Variants in MGA observed in about 807,000 individuals in gnomAD.
MGA encodes the protein MAX dimerization protein MGA.
In MGA, 40 loss-of-function variants were observed where a neutral mutation model predicts 261.1. The observed-to-expected ratio is 0.15, with a 90% confidence interval of 0.12 to 0.20. The LOEUF (loss-of-function observed/expected upper bound fraction) is 0.20. Among genes scored for constraint, MGA ranks in the 10% least tolerant of loss-of-function variants. The probability of loss-of-function intolerance (pLI) is 1.00; values close to 1 mark genes in which losing one functional copy is unlikely to be tolerated. For missense variants in MGA, 3,397 were observed against 3,630.5 expected (o/e 0.94, Z 1.65); for synonymous variants, 1,302 against 1,290.6 (o/e 1.01, Z -0.19).
At chr15:41,714,245 T>C (rs1164814434) in intron 9 of MGA, among the ~76,000 whole-genome samples, 3 of 152,250 alleles carry the variant, frequency 2.0e-5, no homozygotes, top group Non-Finnish European at 4.4e-5. Flanking sequence ...TGTTCCATCA[T>C]AACGTCATGT....
chr15:41,710,787 G>C lies in MGA; in HGVS notation c.2522G>C (p.Ser841Thr), dbSNP rs566861249. ...AATGAAGGCAAGCTGATGGAAACAA[G>C]CATGGGTTTTTCTTCTAATGCTCCC... The change falls in exon 8 of 24, where the codon AGC becomes ACC. Residue 841 changes from serine (S) to threonine (T), a missense_variant. This residue lies in a region of MGA where 519 missense variants were observed against 554.1 expected (regional missense o/e 0.94). Coordinates refer to ENST00000219905, the MANE Select transcript of MGA (RefSeq NM_001164273.2). 6.2e-7 allele frequency: 1 copy of C among 1,613,920 alleles called. No homozygotes were observed. Among genetic ancestry groups the C allele is most frequent in the Admixed American group, 1.7e-5 (1 of 60,008 alleles).
chr15:41,710,919 C>A lies in MGA; in HGVS notation c.2654C>A (p.Ser885Tyr). ...ACTATTTCCCCTTCTACCTCTTATT[C>A]TTTGAAACCTCATTCTGTACCCCCT... The change falls in exon 8 of 24, where the codon TCT becomes TAT. Residue 885 changes from serine to tyrosine, a missense_variant. Coordinates refer to ENST00000219905, the MANE Select transcript of MGA (RefSeq NM_001164273.2). The A allele has an allele frequency of 6.2e-7, 1 of 1,613,964 alleles. No homozygotes were observed. The highest frequency in any genetic ancestry group is 8.5e-7 in the Non-Finnish European group (1 of 1,179,880).
rs1171333484 is a variant in MGA, at chr15:41,727,182, A to T, written c.3433A>T (p.Ile1145Leu). 1.2e-6 allele frequency: 2 copies of T among 1,611,618 alleles called. No individual in the cohort carries two copies. Among genetic ancestry groups the T allele is most frequent in the Admixed American group, 1.7e-5 (1 of 59,494 alleles). The change falls in exon 10 of 24, where the codon ATA (isoleucine) becomes TTA (leucine). Residue 1145 changes from isoleucine to leucine, a missense_variant and splice_region_variant. By Grantham distance (5) the Ile-to-Leu change is conservative (BLOSUM62 2). Around this residue, in one of 9 missense-constraint regions of MGA, gnomAD observed 519 missense variants for 554.1 expected, o/e 0.94. Transcript: ENST00000219905. ...CCTTACCCTTCTTTTTTGTTAAGCT[A>T]TATGTGAGACAGAGCCTGAACAGCC...
intron 1 of MGA, among the ~76,000 whole-genome samples, chr15:41,662,482 C>T (rs1036307007): frequency 2.0e-5 from 3 of 152,056 alleles, no homozygotes; most frequent in Admixed American, 6.6e-5. Context: ...TGACATTTGC[C>T]CTATAAGGTT....
chr15:41,763,612 T>G (rs1197768), intron 22 of MGA, among the ~76,000 whole-genome samples: 120,737 of 151,610 alleles, frequency 0.8, 48,525 homozygotes, highest in East Asian at 0.89. Flanking sequence ...GTGTGGTGGC[T>G]CATGCCTGTA....
chr15:41,685,200 G>A (rs2058890234), intron 2 of MGA, among the ~76,000 whole-genome samples: 1 of 152,144 alleles, frequency 6.6e-6, no homozygotes, highest in Non-Finnish European at 1.5e-5. Flanking sequence ...AGGTGCTCTA[G>A]CATCACTTAT....
At chr15:41,693,355 G>A (rs1396317002) in intron 2 of MGA, among the ~76,000 whole-genome samples, 1 of 126,502 alleles carries the variant, frequency 7.9e-6, no homozygotes, top group Admixed American at 1.1e-4. Context: ...TCCCCTTTCT[G>A]TGTCCATGCG....
At position 41,685,911 on chromosome 15, in the gene MGA, AG is replaced by A. The variant is rs2058929136; in HGVS notation, c.1065-10162del. 2.0e-5 allele frequency among the ~76,000 whole-genome samples: 3 copies of A among 151,888 alleles called. No homozygotes were observed. In the East Asian group the frequency reaches 5.8e-4, roughly 30 times the overall value. On this transcript the variant is annotated intron_variant, in intron 2 of 23. Transcript: ENST00000219905. ...TCCCAGCTACTCAGGAGGCTGAGGC[AG>A]GAGAATGGCGTGTACCCGGGAGGCG...
At chr15:41,673,540 C>CTTTTTTTT (rs777334913) in intron 2 of MGA, among the ~76,000 whole-genome samples, 2 of 118,936 alleles carry the variant, frequency 1.7e-5, no homozygotes, top group African/African-American at 6.2e-5. Context: ...TTCTTTCTTT[C>CTTTTTTTT]TTTTTTTTTT....
intron 13 of MGA, 54 bp downstream of exon 13, chr15:41,736,752 T>C: frequency 1.4e-6 from 2 of 1,464,844 alleles, no homozygotes; most frequent in Non-Finnish European, 1.8e-6. Context: ...CTAGGTAGTA[T>C]CATGATTTTT....
intron 7 of MGA, among the ~76,000 whole-genome samples, chr15:41,709,843 A>G (rs183069944): frequency 3.6e-5 from 4 of 112,212 alleles, no homozygotes; most frequent in African/African-American, 1.0e-4. Context: ...TTTTTTTGAG[A>G]TGGAGTTTTG....
chr15:41,716,836 A>G (rs1030773363), intron 9 of MGA, among the ~76,000 whole-genome samples: 1 of 152,182 alleles, frequency 6.6e-6, no homozygotes, highest in African/African-American at 2.4e-5. Context: ...TAGTTAATAT[A>G]TAAAAAATTA....
intron 1 of MGA, among the ~76,000 whole-genome samples, chr15:41,633,793 G>C (rs1199469542): frequency 6.6e-6 from 1 of 152,132 alleles, no homozygotes; most frequent in Non-Finnish European, 1.5e-5. Context: ...TTAAAGTCCA[G>C]TCATATCGTT....
chr15:41,662,453 A>C (rs1386590040), intron 1 of MGA, among the ~76,000 whole-genome samples: 2 of 152,162 alleles, frequency 1.3e-5, no homozygotes, highest in Non-Finnish European at 2.9e-5. Flanking sequence ...AAAACCTAAA[A>C]GTGTTTCAGA....
chr15:41,630,090 T>A (rs1218207049), intron 1 of MGA, among the ~76,000 whole-genome samples: 3 of 152,150 alleles, frequency 2.0e-5, no homozygotes, highest in African/African-American at 7.2e-5. Flanking sequence ...CTGAGTACTC[T>A]ACATCATCTC....
At chr15:41,678,940 C>G (rs1300544600) in intron 2 of MGA, among the ~76,000 whole-genome samples, 1 of 152,198 alleles carries the variant, frequency 6.6e-6, no homozygotes, top group Non-Finnish European at 1.5e-5. Context: ...ATTTTGATTA[C>G]TAGACATTTT....
At chr15:41,751,374 T>C (rs1043986718) in intron 17 of MGA, 1 of 152,210 alleles carries the variant, frequency 6.6e-6, no homozygotes, top group African/African-American at 2.4e-5. Context: ...GATGGCTCTC[T>C]GTTGCGACTA....
At chr15:41,679,848 T>G (rs1357642068) in intron 2 of MGA, among the ~76,000 whole-genome samples, 2 of 152,222 alleles carry the variant, frequency 1.3e-5, no homozygotes, top group African/African-American at 4.8e-5. Context: ...TGAATATGTT[T>G]TTTTTTCTTT....
chr15:41,708,241 T>C, intron 7 of MGA, 33 bp downstream of exon 7: 1 of 1,399,646 alleles, frequency 7.1e-7, no homozygotes. Context: ...TTAAATGTTC[T>C]GAAACATGTA....
Sources: gnomAD v4.1 joint callset for allele counts (sites outside exome capture counted in the v4.1 genomes callset) on GRCh38, gnomAD v4.1.1 for gene constraint, gnomAD v4.1.1 regional missense constraint, MANE v1.5 for transcripts, NCBI Gene and HGNC (gene_info 2026-07-23, HGNC 2026-07-21) for gene names.